Variants in PCDHA7 observed in about 807,000 individuals in gnomAD.
The protein encoded by PCDHA7 is protocadherin alpha-7.
PCDHA7 carries 37 observed loss-of-function variants against 57.2 expected under a neutral mutation model. That is an observed-to-expected ratio of 0.65 (90% CI 0.50 to 0.85). The LOEUF (loss-of-function observed/expected upper bound fraction) is 0.85, where lower values mean the gene tolerates loss of function less well. PCDHA7 is among the 40% of genes least tolerant of loss of function. The pLI is 0.00. For missense variants in PCDHA7, 1,188 were observed against 1,241.8 expected (o/e 0.96, Z 0.65); for synonymous variants, 553 against 558.8 (o/e 0.99, Z 0.15).
intron 1 of PCDHA7, chr5:140,856,894 T>C (rs1389376451): frequency 6.3e-7 from 1 of 1,596,592 alleles, no homozygotes; most frequent in Non-Finnish European, 8.6e-7. Context: ...CATTTAGCTC[T>C]TTGGTCCCAC....
chr5:140,972,884 G>A (rs763416041), intron 1 of PCDHA7, among the ~76,000 whole-genome samples: 4 of 151,972 alleles, frequency 2.6e-5, no homozygotes, highest in African/African-American at 7.3e-5. Flanking sequence ...GGATGGTCTC[G>A]ATCTCTTGAC....
At chr5:140,966,680 A>AGCG in intron 1 of PCDHA7, 1 of 1,317,158 alleles carries the variant, frequency 7.6e-7, no homozygotes, top group Non-Finnish European at 9.8e-7. Flanking sequence ...GGGTGGCACG[A>AGCG]GCGGAGGCGG....
chr5:141,000,647 C>G (rs1442819157), intron 3 of PCDHA7, among the ~76,000 whole-genome samples: 1 of 151,182 alleles, frequency 6.6e-6, no homozygotes, highest in Non-Finnish European at 1.5e-5. Context: ...AGGCTGGTCT[C>G]GAACTCCTGA....
At chr5:140,842,857 G>C in intron 1 of PCDHA7, 1 of 1,594,002 alleles carries the variant, frequency 6.3e-7, no homozygotes, top group Non-Finnish European at 8.6e-7. Flanking sequence ...CGGTGCACAC[G>C]GAGAGCGGCA....
intron 1 of PCDHA7, among the ~76,000 whole-genome samples, chr5:140,907,434 A>G (rs782559641): frequency 2.5e-4 from 38 of 152,256 alleles, no homozygotes; most frequent in Non-Finnish European, 4.4e-4. Context: ...GCATTCTGTG[A>G]GTCCACAGAT....
intron 1 of PCDHA7, among the ~76,000 whole-genome samples, chr5:140,949,990 C>T (rs2094438709): frequency 6.6e-6 from 1 of 151,832 alleles, no homozygotes; most frequent in Non-Finnish European, 1.5e-5. Context: ...TAACTTTTCT[C>T]AGTCCACTTA....
Position 141,009,908 on chromosome 5 carries a change from A to G in PCDHA7, c.2785A>G (p.Asn929Asp), listed in dbSNP as rs1295693430. The G allele has an allele frequency of 6.2e-7, 1 of 1,612,848 alleles. No individual in the cohort carries two copies. Among genetic ancestry groups the G allele is most frequent in the Non-Finnish European group, 8.5e-7 (1 of 1,179,798 alleles). Residue 929 changes from asparagine to aspartate, a missense_variant, in exon 4 of 4, where the codon AAC (asparagine) becomes GAC (aspartate). By Grantham distance (23) the Asn-to-Asp change is conservative (BLOSUM62 1). Transcript: ENST00000525929. Reference sequence around the variant, plus strand: ...GACCCAGGAGAAAAAAGAGAAAGGGAACAGCACGACTGACAACAGTGACCA... The same window carrying G: ...GACCCAGGAGAAAAAAGAGAAAGGGGACAGCACGACTGACAACAGTGACCA... ...NKTQEKKEKG[N>D]STTDNSDQ
At chr5:140,886,651 C>T (rs1427441330) in intron 1 of PCDHA7, among the ~76,000 whole-genome samples, 4 of 151,902 alleles carry the variant, frequency 2.6e-5, no homozygotes, top group Non-Finnish European at 4.4e-5. Context: ...CATGGTGAAA[C>T]CCTGTCTCTA....
chr5:140,929,931 A>G (rs2086483535), intron 1 of PCDHA7: 1 of 152,250 alleles, frequency 6.6e-6, no homozygotes, highest in Non-Finnish European at 1.5e-5. Flanking sequence ...AAAACAGTGT[A>G]TTCTCTAGCC....
chr5:140,853,320 T>G lies in PCDHA7; in HGVS notation c.2355+16582T>G, dbSNP rs375907981. 1.5e-5 allele frequency: 15 copies of G among 984,926 alleles called. 1 individual carries two copies. The highest frequency in any genetic ancestry group is 5.3e-4 in the Middle Eastern group (1 of 1,886). The allele number at this position is 984,926 out of a possible 1,614,324, so 61.0% of individuals were successfully genotyped here. On this transcript the variant is annotated intron_variant, in intron 1 of 3. Coordinates refer to ENST00000525929, the MANE Select transcript of PCDHA7 (RefSeq NM_018910.3). ...GGGCTGTGAACACCTTAGTAATAAA[T>G]TTATCTTTTGAGGTCATTAGCAAAC...
At chr5:141,000,361 G>GTC (rs148596731) in intron 3 of PCDHA7, among the ~76,000 whole-genome samples, 441 of 26,430 alleles carry the variant, frequency 0.017, 8 homozygotes, top group Non-Finnish European at 0.02. Flanking sequence ...GTCTCTCTCT[G>GTC]TCTCTCTCTC....
intron 1 of PCDHA7, among the ~76,000 whole-genome samples, chr5:140,924,166 T>C (rs1409712075): frequency 6.6e-6 from 1 of 152,232 alleles, no homozygotes; most frequent in African/African-American, 2.4e-5. Flanking sequence ...TCCTAATCTC[T>C]GGCACTGAAG....
chr5:140,946,631 T>TACAC (rs374022482), intron 1 of PCDHA7, among the ~76,000 whole-genome samples: 1 of 131,846 alleles, frequency 7.6e-6, no homozygotes, highest in Non-Finnish European at 1.5e-5. Flanking sequence ...TATATATATA[T>TACAC]ACAATGGAAT....
chr5:140,940,903 A>T (rs1177865937), intron 1 of PCDHA7, among the ~76,000 whole-genome samples: 1 of 152,242 alleles, frequency 6.6e-6, no homozygotes, highest in Admixed American at 6.5e-5. Context: ...CTTTAAATCA[A>T]GTTCAAGACT....
At chr5:140,857,717 G>C (rs782771327) in intron 1 of PCDHA7, 1 of 1,597,518 alleles carries the variant, frequency 6.3e-7, no homozygotes, top group African/African-American at 1.3e-5. Flanking sequence ...CGTGCTGGAC[G>C]AGAACGACAA....
At chr5:140,928,056 G>T (rs183490994) in intron 1 of PCDHA7, 1 of 1,614,154 alleles carries the variant, frequency 6.2e-7, no homozygotes, top group Admixed American at 1.7e-5. Flanking sequence ...TTCAGCTGAC[G>T]GCTTCCTTTG....
intron 1 of PCDHA7, chr5:140,850,152 G>T (rs2150469849): frequency 1.3e-6 from 2 of 1,595,546 alleles, no homozygotes; most frequent in Middle Eastern, 2.0e-4. Context: ...GACGCTGCAG[G>T]TGTTCGTGCT....
chr5:141,003,724 A>C (rs575036478), intron 3 of PCDHA7, among the ~76,000 whole-genome samples: 2 of 151,950 alleles, frequency 1.3e-5, no homozygotes, highest in African/African-American at 4.8e-5. Flanking sequence ...CGGCTAATCC[A>C]ATAAAAAAGC....
At chr5:140,882,806 T>G in intron 1 of PCDHA7, 2 of 1,614,218 alleles carry the variant, frequency 1.2e-6, no homozygotes, top group Non-Finnish European at 1.7e-6. Flanking sequence ...TTATTTCACT[T>G]TGGACGCACA....
Sources: allele counts gnomAD v4.1 joint callset (sites outside exome capture counted in the v4.1 genomes callset), GRCh38; gene constraint gnomAD v4.1.1; transcripts MANE v1.5; gene names NCBI Gene and HGNC (gene_info 2026-07-23, HGNC 2026-07-21).